PCDHGB6: variants seen among roughly 807,000 people sequenced by gnomAD.
PCDHGB6 encodes the protein protocadherin gamma subfamily B, 6.
PCDHGB6 carries 51 observed loss-of-function variants against 59.1 expected under a neutral mutation model. That is an observed-to-expected ratio of 0.86 (90% confidence interval 0.69 to 1.09). PCDHGB6 has a LOEUF of 1.09. Ranked by LOEUF, PCDHGB6 falls within the 50% of genes least tolerant of loss-of-function variation. PCDHGB6 has a pLI of 0.00. For missense variants in PCDHGB6, 1,148 were observed against 1,205.1 expected, an observed-to-expected ratio of 0.95 and a Z score of 0.70; for synonymous variants, 466 against 495.1, an observed-to-expected ratio of 0.94 and a Z score of 0.78.
At position 141,432,432 on chromosome 5, in the gene PCDHGB6, A is replaced by G. The variant is rs1431760497; in HGVS notation, c.2418+21812A>G. On this transcript the variant is annotated intron_variant, in intron 1 of 3. Transcript: ENST00000520790. This position sits in a 1 kb window ranked among gnomAD's most constrained non-coding sequence, Gnocchi z 6.0. ...CTGTTCGTGCTGGACCAGAACGACA[A>G]TGCGCCCGAGATCCTGTACCCCGCC... The G allele has an allele frequency of 2.5e-6, 4 of 1,614,156 alleles. No homozygotes were observed. Among genetic ancestry groups the G allele is most frequent in the Non-Finnish European group, 3.4e-6 (4 of 1,180,028 alleles).
Position 141,431,858 on chromosome 5 carries a change from G to A in PCDHGB6, c.2418+21238G>A, listed in dbSNP as rs1421209596. The A allele has an allele frequency of 1.1e-5, 17 of 1,614,198 alleles. No individual in the cohort carries two copies. Among genetic ancestry groups the A allele is most frequent in the Non-Finnish European group, 1.4e-5 (17 of 1,180,020 alleles). On this transcript the variant is annotated intron_variant, in intron 1 of 3. Coordinates refer to ENST00000520790, the MANE Select transcript of PCDHGB6 (RefSeq NM_018926.3). The surrounding 1 kb of genome is among the most constrained non-coding windows in gnomAD (Gnocchi z 4.8). ...AAACTCTCCCAGAGGGACATTAATTGCCCTTTTAAATGTAAATGACCAAGA... is the reference window on the plus strand; with the variant it reads ...AAACTCTCCCAGAGGGACATTAATTACCCTTTTAAATGTAAATGACCAAGA...
rs1246198657 is a variant in PCDHGB6 at position 141,505,401 on chromosome 5, A to T, written c.2486A>T (p.Asn829Ile). The change falls in exon 3 of 4, where the codon AAT (asparagine) becomes ATT (isoleucine). Residue 829 changes from asparagine (N) to isoleucine (I), a missense_variant. By Grantham distance (149) the Asn-to-Ile change is moderately radical (BLOSUM62 -3). Around this residue, in one of 5 missense-constraint regions of PCDHGB6, gnomAD observed 283 missense variants for 318.6 expected, o/e 0.89. Transcript: ENST00000520790. Reference protein sequence around the residue: ...AQRPGTSGSQNGDDTGTWPNN... With the variant: ...AQRPGTSGSQIGDDTGTWPNN... ...TCCTACTCTCTCCCCAGCTCCCAAA[A>T]TGGCGATGACACCGGCACCTGGCCC... is the stretch of plus-strand genomic sequence containing the variant. The T allele has an allele frequency of 6.2e-7, 1 of 1,614,058 alleles. No individual in the cohort carries two copies. Among genetic ancestry groups the T allele is most frequent in the African/African-American group, 1.3e-5 (1 of 74,922 alleles).
In PCDHGB6 at chr5:141,477,963, A is replaced by C; in HGVS notation, c.2419-16844A>C. ...TACAGTCTCTTGGGATCCCCTAACC[A>C]GAGCCTTTTTGCCATAGGGCTGCAC... On this transcript the variant is annotated intron_variant, in intron 1 of 3. Coordinates refer to ENST00000520790, the MANE Select transcript of PCDHGB6 (RefSeq NM_018926.3). The surrounding 1 kb of genome is among the most constrained non-coding windows in gnomAD (Gnocchi z 4.9). The C allele has an allele frequency of 1.2e-6, 2 of 1,614,118 alleles. No individual in the cohort carries two copies. The highest frequency in any genetic ancestry group is 1.7e-6 in the Non-Finnish European group (2 of 1,180,024).
chr5:141,442,343 G>C (rs1300318674), intron 1 of PCDHGB6: 1 of 152,336 alleles, frequency 6.6e-6, no homozygotes, highest in Non-Finnish European at 1.5e-5. Flanking sequence ...CAGGTTTCTG[G>C]GTAACTGTAG....
At chr5:141,480,525 A>G (rs191522157) in intron 1 of PCDHGB6, among the ~76,000 whole-genome samples, 131 of 152,310 alleles carry the variant, frequency 8.6e-4, no homozygotes, top group African/African-American at 2.6e-3. Context: ...AAAAATGACA[A>G]AGTAGAAGCA....
chr5:141,462,262 A>G (rs2099035971), intron 1 of PCDHGB6, among the ~76,000 whole-genome samples: 1 of 152,192 alleles, frequency 6.6e-6, no homozygotes, highest in African/African-American at 2.4e-5. Flanking sequence ...GACCAGCCTA[A>G]AGTGTATTGT....
chr5:141,441,768 T>C, intron 1 of PCDHGB6: 1 of 387,074 alleles, frequency 2.6e-6, no homozygotes. Context: ...CCTGCGCGTG[T>C]TGGTGGACGA....
At chr5:141,460,177 T>C (rs1021646181) in intron 1 of PCDHGB6, among the ~76,000 whole-genome samples, 13 of 152,138 alleles carry the variant, frequency 8.5e-5, no homozygotes, top group African/African-American at 3.1e-4. Context: ...TTGTGGATAT[T>C]TTATCCCAGA....
chr5:141,423,300 G>T, intron 1 of PCDHGB6: 2 of 1,614,146 alleles, frequency 1.2e-6, no homozygotes, highest in African/African-American at 1.3e-5. Context: ...CAGACCTCTC[G>T]CTGTACTTGG....
At chr5:141,481,216 G>T (rs2099534005) in intron 1 of PCDHGB6, among the ~76,000 whole-genome samples, 3 of 152,110 alleles carry the variant, frequency 2.0e-5, no homozygotes, top group Admixed American at 6.5e-5. Flanking sequence ...ACATGGTAAG[G>T]TCTCCCAGCC....
At chr5:141,438,591 CATATATATATATATATAT>C (rs946798767) in intron 1 of PCDHGB6, among the ~76,000 whole-genome samples, 2 of 75,562 alleles carry the variant, frequency 2.6e-5, no homozygotes, top group Non-Finnish European at 5.4e-5. Context: ...TACATACATA[CATATATATATATATATAT>C]ATATATATAT....
chr5:141,412,346 T>C (rs1489657145), intron 1 of PCDHGB6: 1 of 152,238 alleles, frequency 6.6e-6, no homozygotes, highest in African/African-American at 2.4e-5. Flanking sequence ...TATGTTCATT[T>C]TAGTTTGTGA....
chr5:141,487,811 A>C lies in PCDHGB6; in HGVS notation c.2419-6996A>C, dbSNP rs1389081995. 2 of 1,414,662 alleles carry C rather than the reference A, an allele frequency of 1.4e-6. No homozygotes were observed. The highest frequency in any genetic ancestry group is 1.9e-6 in the Non-Finnish European group (2 of 1,041,698). The allele number at this position is 1,414,662 out of a possible 1,614,324, so 87.6% of individuals were successfully genotyped here. On this transcript the variant is annotated intron_variant, in intron 1 of 3. Coordinates refer to ENST00000520790, the MANE Select transcript of PCDHGB6 (RefSeq NM_018926.3). This position sits in a 1 kb window ranked among gnomAD's most constrained non-coding sequence, Gnocchi z 5.0. ...TTAACCAGAGTTGTCACAGTTTAGC[A>C]TTGGGGGCGGGTCATGCCTATATCT...
chr5:141,447,954 C>T (rs927510517), intron 1 of PCDHGB6, among the ~76,000 whole-genome samples: 11 of 151,814 alleles, frequency 7.2e-5, no homozygotes, highest in Non-Finnish European at 1.2e-4. Flanking sequence ...GGCATGGTGG[C>T]GGACACCTAT....
In PCDHGB6 at chr5:141,509,341, G is replaced by C. The variant is rs552337350; in HGVS notation, c.2567-1606G>C. Among the ~76,000 whole-genome samples, 4 of 152,290 alleles carry C rather than the reference G, an allele frequency of 2.6e-5. No homozygotes were observed. The East Asian group carries it at 7.7e-4, about 29-fold the overall frequency. On this transcript the variant is annotated intron_variant, in intron 3 of 3. Transcript: ENST00000520790. ...GAAGCTCTACTGCCAGCTGGGCCTG[G>C]GCTGGCCTGGGCATCCCTGAGGTTT...
At chr5:141,463,847 G>T (rs922334975) in intron 1 of PCDHGB6, among the ~76,000 whole-genome samples, 9 of 152,158 alleles carry the variant, frequency 5.9e-5, no homozygotes, top group African/African-American at 2.2e-4. Context: ...TGTTATAGTG[G>T]TATATCTGGT....
At chr5:141,495,984 ATC>A (rs2099765081) in intron 2 of PCDHGB6, among the ~76,000 whole-genome samples, 1 of 149,246 alleles carries the variant, frequency 6.7e-6, no homozygotes, top group East Asian at 2.0e-4. Context: ...CTCTTTCTTT[ATC>A]TCTCTTTTTC....
chr5:141,460,987 A>G (rs201722325), intron 1 of PCDHGB6, among the ~76,000 whole-genome samples: 34 of 92,988 alleles, frequency 3.7e-4, no homozygotes, highest in Middle Eastern at 5.0e-3. Flanking sequence ...GTGTGTGTAT[A>G]TATATATATG....
At chr5:141,447,136 TTTTTTG>T (rs1304915683) in intron 1 of PCDHGB6, among the ~76,000 whole-genome samples, 4 of 152,090 alleles carry the variant, frequency 2.6e-5, no homozygotes, top group Admixed American at 6.6e-5. Context: ...TGTTTGTTTG[TTTTTTG>T]TTTTTGTTTT....
Sources: gnomAD v4.1 joint callset for allele counts (sites outside exome capture counted in the v4.1 genomes callset) on GRCh38, gnomAD v4.1.1 for gene constraint, gnomAD v4.1.1 regional missense constraint, Gnocchi (gnomAD v3.1) non-coding constraint, MANE v1.5 for transcripts, NCBI Gene and HGNC (gene_info 2026-07-23, HGNC 2026-07-21) for gene names.